Variants in MKLN1 observed in about 807,000 individuals in gnomAD.
MKLN1 encodes the protein muskelin 1, also known as muskelin.
Under a neutral mutation model 99.0 loss-of-function variants are expected in MKLN1, and 18 were observed. That is an observed-to-expected ratio of 0.18 (90% CI 0.13 to 0.27). The LOEUF is 0.27. Ranked by LOEUF, MKLN1 falls within the 10% of genes least tolerant of loss-of-function variation. MKLN1 has a pLI of 1.00. For synonymous variants in MKLN1, 288 were observed against 293.2 expected (o/e 0.98, Z 0.18); for missense variants, 621 against 875.9 (o/e 0.71, Z 3.67).
chr7:131,382,740 T>TATTTC (rs1362721082), intron 2 of MKLN1, among the ~76,000 whole-genome samples: 6 of 151,808 alleles, frequency 4.0e-5, no homozygotes, highest in Non-Finnish European at 5.9e-5. Context: ...TATTTTATTT[T>TATTTC]AGAGACAGGG....
chr7:131,297,785 G>C (rs1288831549), intron 3 of MKLN1, among the ~76,000 whole-genome samples: 1 of 152,168 alleles, frequency 6.6e-6, no homozygotes, highest in Non-Finnish European at 1.5e-5. Flanking sequence ...CTCATCCATT[G>C]CAACTAGAAG....
intron 3 of MKLN1, among the ~76,000 whole-genome samples, chr7:131,314,745 G>A (rs533265319): frequency 8.0e-5 from 12 of 150,824 alleles, no homozygotes; most frequent in African/African-American, 2.7e-4. Flanking sequence ...TTGAGAGAGA[G>A]GGTCTCTCTG....
chr7:131,272,255 T>C (rs1797896035), intron 3 of MKLN1, among the ~76,000 whole-genome samples: 1 of 152,236 alleles, frequency 6.6e-6, no homozygotes, highest in African/African-American at 2.4e-5. Context: ...TGACATTTCA[T>C]AGCTTGCTTG....
At position 131,153,212 on chromosome 7, in the gene MKLN1, G is replaced by A. The variant is rs570489647; in HGVS notation, c.-297+10271G>A. On this transcript the variant is annotated intron_variant, in intron 2 of 7. Coordinates refer to the MKLN1 transcript ENST00000416992. ...GTTGATTTTTTGGCATGTGCCAATGGTGTTTGCTTTGTCTTATTTTTAAGT... is the reference window on the plus strand; with the variant it reads ...GTTGATTTTTTGGCATGTGCCAATGATGTTTGCTTTGTCTTATTTTTAAGT... Among the ~76,000 whole-genome samples the A allele has an allele frequency of 5.9e-5, 9 of 152,042 alleles. No individual in the cohort carries two copies. In the East Asian group the frequency reaches 1.7e-3, roughly 29 times the overall value.
chr7:131,409,050 G>A (rs2116312852), intron 6 of MKLN1, among the ~76,000 whole-genome samples: 2 of 152,208 alleles, frequency 1.3e-5, no homozygotes, highest in African/African-American at 4.8e-5. Context: ...AGAAATATTA[G>A]CAACTGCCTG....
At chr7:131,326,207 C>T (rs934304020), upstream of MKLN1, among the ~76,000 whole-genome samples, 7 of 152,162 alleles carry the variant, frequency 4.6e-5, no homozygotes, top group African/African-American at 1.7e-4. Flanking sequence ...ATCTCTGGGG[C>T]TAACATTCTC....
Position 131,487,746 on chromosome 7 carries a change from A to T in MKLN1, c.*18A>T, listed in dbSNP as rs200788391. ...CACTGTAACTGAAGAGTCACTGGAC[A>T]CAGAAATGGAAAACAGGAGTCGATT... On this transcript the variant is annotated 3_prime_UTR_variant, in exon 18 of 18. Transcript: ENST00000352689. The surrounding 1 kb of genome is among the most constrained non-coding windows in gnomAD (Gnocchi z 4.7). The T allele has an allele frequency of 1.9e-6, 3 of 1,605,658 alleles. No individual in the cohort carries two copies. Among genetic ancestry groups the T allele is most frequent in the Non-Finnish European group, 2.5e-6 (3 of 1,177,112 alleles).
chr7:131,443,376 G>A (rs1795898044), intron 10 of MKLN1, 105 bp from the exon 11 acceptor site: 1 of 781,832 alleles, frequency 1.3e-6, no homozygotes, highest in Non-Finnish European at 2.2e-6. Context: ...TAGGGACAAA[G>A]TTTAGGGTTT....
At position 131,443,648 on chromosome 7, in the gene MKLN1, T is replaced by C. The variant is rs2116507065; in HGVS notation, c.1341T>C (p.Asn447=). ...AACTTCTTCGAGAGGACTCCTGTAA[T>C]GCTGGGCCTGAGGACATCCAGTCTC... The part of the protein sequence containing the change: ...TWKLLREDSC[N]AGPEDIQSRI... The change falls in exon 11 of 18, where the codon AAT becomes AAC. Residue 447 remains asparagine, a synonymous_variant. Coordinates refer to ENST00000352689, the MANE Select transcript of MKLN1 (RefSeq NM_013255.5). 6.2e-7 allele frequency: 1 copy of C among 1,614,210 alleles called. No individual in the cohort carries two copies. Among genetic ancestry groups the C allele is most frequent in the East Asian group, 2.2e-5 (1 of 44,886 alleles).
chr7:131,253,044 C>T (rs1375487523), intron 3 of MKLN1, among the ~76,000 whole-genome samples: 1 of 152,114 alleles, frequency 6.6e-6, no homozygotes, highest in Non-Finnish European at 1.5e-5. Context: ...GCTTTACAGA[C>T]CCAGTCCCAA....
At chr7:131,117,657 A>G (rs74686629) in intron 1 of MKLN1, among the ~76,000 whole-genome samples, 1,646 of 152,310 alleles carry the variant, frequency 0.011, 40 homozygotes, top group African/African-American at 0.038. Flanking sequence ...TTTGGTCTGA[A>G]AAACATTATT....
At chr7:131,248,336 A>AAC (rs886260402) in intron 3 of MKLN1, among the ~76,000 whole-genome samples, 12 of 151,956 alleles carry the variant, frequency 7.9e-5, no homozygotes, top group African/African-American at 2.4e-4. Flanking sequence ...GCAAAAATGT[A>AAC]ACTCTCAGCC....
At chr7:131,248,212 A>T (rs1192466219) in intron 3 of MKLN1, among the ~76,000 whole-genome samples, 7 of 152,084 alleles carry the variant, frequency 4.6e-5, no homozygotes, top group Non-Finnish European at 1.0e-4. Context: ...AGACGTGAGA[A>T]GAAAAAAAAG....
chr7:131,445,318 G>A (rs757775561), intron 11 of MKLN1, among the ~76,000 whole-genome samples: 1 of 151,916 alleles, frequency 6.6e-6, no homozygotes, highest in Non-Finnish European at 1.5e-5. Context: ...TTTTGGAGAG[G>A]TCTTCCTGCT....
At chr7:131,171,872 T>C (rs1796221213) in intron 2 of MKLN1, among the ~76,000 whole-genome samples, 1 of 152,222 alleles carries the variant, frequency 6.6e-6, no homozygotes, top group Non-Finnish European at 1.5e-5. Context: ...AGAAAGAGGA[T>C]ATTTTAGTTG....
chr7:131,444,040 T>C (rs1427946898), intron 11 of MKLN1, among the ~76,000 whole-genome samples: 1 of 152,164 alleles, frequency 6.6e-6, no homozygotes, highest in Non-Finnish European at 1.5e-5. Context: ...TTTTCCCTTC[T>C]GCTATTCTCC....
intron 2 of MKLN1, among the ~76,000 whole-genome samples, chr7:131,192,411 AAT>A (rs1796578361): frequency 7.8e-6 from 1 of 128,366 alleles, no homozygotes; most frequent in African/African-American, 2.9e-5. Flanking sequence ...TAAAATATAT[AAT>A]ATATACAATA....
intron 1 of MKLN1, among the ~76,000 whole-genome samples, chr7:131,330,574 C>T (rs1462502761): frequency 6.6e-6 from 1 of 152,176 alleles, no homozygotes; most frequent in Non-Finnish European, 1.5e-5. Context: ...TCAAGGTAGT[C>T]AGGCTCCACA....
intron 1 of MKLN1, among the ~76,000 whole-genome samples, chr7:131,373,085 T>A (rs1455589323): frequency 6.6e-6 from 1 of 152,024 alleles, no homozygotes; most frequent in Non-Finnish European, 1.5e-5. Flanking sequence ...AGGATGTACA[T>A]ATTTGAAATA....
Sources: gnomAD v4.1 joint callset for allele counts (sites outside exome capture counted in the v4.1 genomes callset) on GRCh38, gnomAD v4.1.1 for gene constraint, Gnocchi (gnomAD v3.1) non-coding constraint, MANE v1.5 for transcripts, NCBI Gene and HGNC (gene_info 2026-07-23, HGNC 2026-07-21) for gene names.